Variants in BLTP3B observed in about 807,000 individuals in gnomAD.
BLTP3B encodes bridge-like lipid transfer protein family member 3B.
the BLTP3B span, chr12:100,128,565 G>C: frequency 8.2e-7 from 1 of 1,219,278 alleles, no homozygotes; most frequent in South Asian, 1.5e-5. Context: ...AAAGCATGGG[G>C]AATAGAAGTA....
At chr12:100,054,864 C>T in the BLTP3B span, among the ~76,000 whole-genome samples, 21 of 152,102 alleles carry the variant, frequency 1.4e-4, no homozygotes, top group African/African-American at 4.8e-4. Flanking sequence ...AACTTTTGGA[C>T]TAGATACCTT....
At chr12:100,124,784 T>C in the BLTP3B span, among the ~76,000 whole-genome samples, 1 of 150,720 alleles carries the variant, frequency 6.6e-6, no homozygotes, top group South Asian at 2.1e-4. Flanking sequence ...TAGCTGGGCA[T>C]GGTGGCACAC....
At chr12:100,130,017 G>C in the BLTP3B span, among the ~76,000 whole-genome samples, 5 of 152,154 alleles carry the variant, frequency 3.3e-5, no homozygotes. Flanking sequence ...AGTGCAGTGT[G>C]GCACGATCTC....
the BLTP3B span, chr12:100,059,495 T>C: frequency 1.2e-6 from 2 of 1,605,358 alleles, no homozygotes; most frequent in Non-Finnish European, 1.7e-6. Flanking sequence ...GTGGCTGATC[T>C]TGATGACATT....
the BLTP3B span, among the ~76,000 whole-genome samples, chr12:100,083,797 G>T: frequency 1.1e-4 from 16 of 152,034 alleles, no homozygotes; most frequent in African/African-American, 3.6e-4. Flanking sequence ...CTTCCTGGGT[G>T]TGACTATTAT....
At chr12:100,066,801 C>A in the BLTP3B span, among the ~76,000 whole-genome samples, 1 of 147,194 alleles carries the variant, frequency 6.8e-6, no homozygotes, top group African/African-American at 2.5e-5. Context: ...AAGACTCCAT[C>A]TCAAAAAAAA....
the BLTP3B span, among the ~76,000 whole-genome samples, chr12:100,055,241 T>C: frequency 6.6e-6 from 1 of 152,206 alleles, no homozygotes; most frequent in Admixed American, 6.5e-5. Flanking sequence ...CTGCATAACT[T>C]TGGGCAAGCT....
At chr12:100,039,890 A>G in the BLTP3B span, 5 of 1,070,880 alleles carry the variant, frequency 4.7e-6, no homozygotes, top group Admixed American at 5.9e-5. Flanking sequence ...ATATCTATAT[A>G]TATTAGTTAT....
At chr12:100,112,306 G>A in the BLTP3B span, among the ~76,000 whole-genome samples, 1 of 152,086 alleles carries the variant, frequency 6.6e-6, no homozygotes, top group Admixed American at 6.6e-5. Flanking sequence ...CTATATATTA[G>A]TGAGTGACTA....
chr12:100,073,700 C>T, the BLTP3B span, among the ~76,000 whole-genome samples: 2 of 151,922 alleles, frequency 1.3e-5, no homozygotes, highest in African/African-American at 4.8e-5. Flanking sequence ...ATTCATTTTC[C>T]AAAAAGACTA....
the BLTP3B span, among the ~76,000 whole-genome samples, chr12:100,121,807 CA>C: frequency 4.1e-3 from 630 of 152,214 alleles, 2 homozygotes; most frequent in African/African-American, 0.015. Flanking sequence ...CCAGCCTGGG[CA>C]ACAAGAGCGA....
At chr12:100,116,048 T>C in the BLTP3B span, among the ~76,000 whole-genome samples, 1 of 151,580 alleles carries the variant, frequency 6.6e-6, no homozygotes, top group African/African-American at 2.4e-5. Context: ...GGTGCACACC[T>C]GCAATCCCAG....
chr12:100,128,283 G>A, the BLTP3B span, among the ~76,000 whole-genome samples: 2 of 152,108 alleles, frequency 1.3e-5, no homozygotes, highest in Non-Finnish European at 2.9e-5. Context: ...CTGGCAGGAA[G>A]TTACAAAACT....
chr12:100,084,777 ATTTACAGGC>A, the BLTP3B span: 1 of 1,037,642 alleles, frequency 9.6e-7, no homozygotes, highest in South Asian at 1.8e-5. Context: ...TATCTGAAAA[ATTTACAGGC>A]TTCACCTACA....
chr12:100,039,722 G>A, the BLTP3B span: 2 of 1,613,712 alleles, frequency 1.2e-6, no homozygotes, highest in Admixed American at 3.3e-5. Flanking sequence ...ACTTTCCACT[G>A]GTCAGCAGCA....
chr12:100,099,347 G>A, the BLTP3B span, among the ~76,000 whole-genome samples: 1 of 149,158 alleles, frequency 6.7e-6, no homozygotes, highest in African/African-American at 2.4e-5. Flanking sequence ...AATAATCTAA[G>A]CTGGGCCTGG....
the BLTP3B span, among the ~76,000 whole-genome samples, chr12:100,042,067 C>G: frequency 6.6e-6 from 1 of 152,098 alleles, no homozygotes; most frequent in African/African-American, 2.4e-5. Flanking sequence ...ACAAAACTTA[C>G]TATACTCTGA....
the BLTP3B span, chr12:100,060,193 AATG>A: frequency 1.6e-5 from 10 of 627,712 alleles, no homozygotes; most frequent in African/African-American, 9.6e-5. Context: ...GATACATTGG[AATG>A]ATAACAAACA....
the BLTP3B span, among the ~76,000 whole-genome samples, chr12:100,045,346 A>G: frequency 9.8e-5 from 15 of 152,344 alleles, no homozygotes; most frequent in African/African-American, 3.6e-4. Flanking sequence ...CTGACTTCAA[A>G]CTATACTACA....
Sources: allele counts gnomAD v4.1 joint callset (sites outside exome capture counted in the v4.1 genomes callset), GRCh38; gene constraint gnomAD v4.1.1; transcripts MANE v1.5; gene names NCBI Gene and HGNC (gene_info 2026-07-23, HGNC 2026-07-21).